SNTB2: variants seen among roughly 807,000 people sequenced by gnomAD.
SNTB2 encodes syntrophin beta 2.
A neutral mutation model predicts 46.2 loss-of-function variants in SNTB2; 34 were observed. That is an observed-to-expected ratio of 0.74 (90% CI 0.56 to 0.98). SNTB2 has a LOEUF of 0.98. Ranked by LOEUF, SNTB2 falls within the 50% of genes least tolerant of loss-of-function variation. The probability of loss-of-function intolerance (pLI) is 0.00; values close to 1 mark genes in which losing one functional copy is unlikely to be tolerated. For missense variants in SNTB2, 603 were observed against 731.4 expected (o/e 0.82, Z 2.02); for synonymous variants, 290 against 312.6 (o/e 0.93, Z 0.76).
In SNTB2 at chr16:69,232,502, CTTTTTTTTTT is replaced by C. The variant is rs1032986410; in HGVS notation, c.581-13082_581-13073del. On this transcript the variant is annotated intron_variant, in intron 1 of 6. Transcript: ENST00000336278. ...TTACAGGTGTGAGCCACGGTGCGGC[CTTTTTTTTTT>C]TTTTTTTTTTTTTTTTTGGAGACGG... Among the ~76,000 whole-genome samples the C allele has an allele frequency of 1.5e-3, 93 of 63,884 alleles. 1 individual carries two copies. The highest frequency in any genetic ancestry group is 1.7e-3 in the Non-Finnish European group (58 of 33,452). The allele number at this position is 63,884 out of a possible 152,430, so 41.9% of individuals were successfully genotyped here.
Position 69,292,844 on chromosome 16 carries a change from T to G in SNTB2, c.1346-6746T>G, listed in dbSNP as rs557850448. On this transcript the variant is annotated intron_variant, in intron 5 of 6. Transcript: ENST00000336278. ...CTTTATTAAATTACTATCGGGGAGC[T>G]TCTTAGAACGCCATCTCTAATGTAT... is the stretch of plus-strand genomic sequence containing the variant. Among the ~76,000 whole-genome samples the G allele has an allele frequency of 2.0e-3, 310 of 152,098 alleles. 1 individual carries two copies. Among genetic ancestry groups the G allele is most frequent in the Non-Finnish European group, 3.6e-3 (244 of 67,992 alleles).
rs1963996122 is a variant in SNTB2, at chr16:69,187,193, G to T, written c.27G>T (p.Ala9=). 7.2e-7 allele frequency: 1 copy of T among 1,383,184 alleles called. No individual in the cohort carries two copies. The highest frequency in any genetic ancestry group is 9.4e-7 in the Non-Finnish European group (1 of 1,066,494). The allele number at this position is 1,383,184 out of a possible 1,614,324, so 85.7% of individuals were successfully genotyped here. ...TGAGGGTAGCTGCGGCGACTGCGGC[G>T]GCTGGAGCGGGGCCGGCCATGGCGG... MRVAAATA[A]AGAGPAMAVW... Residue 9 remains alanine (A), a synonymous_variant, in exon 1 of 7, where the codon GCG becomes GCT. Coordinates refer to ENST00000336278, the MANE Select transcript of SNTB2 (RefSeq NM_006750.4).
At chr16:69,213,241 T>C (rs1349973104) in intron 1 of SNTB2, among the ~76,000 whole-genome samples, 2 of 152,202 alleles carry the variant, frequency 1.3e-5, no homozygotes, top group Non-Finnish European at 2.9e-5. Context: ...TTTTGGCACA[T>C]ATTGCATGTT....
In SNTB2 at chr16:69,292,407, T is replaced by TGATATATATATCA. The variant is rs1491560084; in HGVS notation, c.1346-7183_1346-7182insGATATATATATCA. Among the ~76,000 whole-genome samples, 3 of 12,474 alleles carry TGATATATATATCA rather than the reference T, an allele frequency of 2.4e-4. 1 individual carries two copies. The highest frequency in any genetic ancestry group is 4.2e-4 in the Non-Finnish European group (3 of 7,094). The allele number at this position is 12,474 out of a possible 152,430, so 8.2% of individuals were successfully genotyped here. On this transcript the variant is annotated intron_variant, in intron 5 of 6. Transcript: ENST00000336278. ...TATATATATTATATATATATATATATTATATATATATTATATATATATATA... is the reference window on the plus strand; with the variant it reads ...TATATATATTATATATATATATATATGATATATATATCATATATATATATTATATATATATATA...
At position 69,270,297 on chromosome 16, in the gene SNTB2, T is replaced by C. The variant is rs1964925324; in HGVS notation, c.1148+12T>C. On this transcript the variant is annotated intron_variant, in intron 4 of 6. Coordinates refer to ENST00000336278, the MANE Select transcript of SNTB2 (RefSeq NM_006750.4). ...CTTGTTGCCACCAGGTAAGTAAGAC[T>C]AAAGATAAGGAAGTAAAATATTTAT... 1 of 1,613,794 alleles carries C rather than the reference T, an allele frequency of 6.2e-7. No homozygotes were observed.
intron 1 of SNTB2, among the ~76,000 whole-genome samples, chr16:69,222,581 A>G (rs1460312670): frequency 6.6e-6 from 1 of 150,500 alleles, no homozygotes; most frequent in African/African-American, 2.4e-5. Context: ...CCACAGAGTG[A>G]GACTTCATCT....
intron 4 of SNTB2, among the ~76,000 whole-genome samples, chr16:69,280,594 C>A (rs1300570561): frequency 7.0e-6 from 1 of 142,620 alleles, no homozygotes; most frequent in African/African-American, 2.9e-5. Context: ...GGGGGCTGAA[C>A]CCCCCACCTC....
intron 1 of SNTB2, among the ~76,000 whole-genome samples, chr16:69,227,126 A>G (rs1209091761): frequency 6.6e-6 from 1 of 152,214 alleles, no homozygotes; most frequent in Admixed American, 6.6e-5. Context: ...GCAATTAGCA[A>G]CAACATTTAA....
Position 69,304,946 on chromosome 16 carries a change from A to C in SNTB2, c.*4022A>C, listed in dbSNP as rs1390684623. The C allele has an allele frequency of 2.7e-5, 4 of 150,722 alleles. No homozygotes were observed. 9.3% of individuals were successfully genotyped at this position (150,722 alleles called of 1,614,324 possible). ...GCCTCCCAAAGTGCTGGGATTACAG[A>C]TGTGAGCCACTGCACCTGGCCCCAG... is the stretch of plus-strand genomic sequence containing the variant. On this transcript the variant is annotated 3_prime_UTR_variant, in exon 7 of 7. Coordinates refer to ENST00000336278, the MANE Select transcript of SNTB2 (RefSeq NM_006750.4).
intron 1 of SNTB2, among the ~76,000 whole-genome samples, chr16:69,216,570 A>C (rs1455868923): frequency 6.6e-6 from 1 of 151,762 alleles, no homozygotes; most frequent in Non-Finnish European, 1.5e-5. Context: ...CTATAGTTTC[A>C]GCTACTCAGG....
intron 2 of SNTB2, among the ~76,000 whole-genome samples, chr16:69,257,822 TA>T (rs1240003738): frequency 6.6e-6 from 1 of 152,238 alleles, no homozygotes; most frequent in Non-Finnish European, 1.5e-5. Context: ...TGACAGCATA[TA>T]AAAGATGGAT....
intron 1 of SNTB2, among the ~76,000 whole-genome samples, chr16:69,211,184 G>A (rs1964282525): frequency 6.6e-6 from 1 of 151,718 alleles, no homozygotes; most frequent in South Asian, 2.1e-4. Context: ...TTGTTTGAAA[G>A]CAATGAAAAA....
rs139742915 is a variant in SNTB2 at position 69,236,652 on chromosome 16, T to C, written c.581-8950T>C. 5.9e-5 allele frequency among the ~76,000 whole-genome samples: 9 copies of C among 151,394 alleles called. No homozygotes were observed. In the East Asian group the frequency reaches 1.6e-3, roughly 26 times the overall value. ...AATATGGTTAAAATAGTAAACTTTATGTTGTGTATATTTTACAATTACAAA... is the reference window on the plus strand; with the variant it reads ...AATATGGTTAAAATAGTAAACTTTACGTTGTGTATATTTTACAATTACAAA... On this transcript the variant is annotated intron_variant, in intron 1 of 6. Transcript: ENST00000336278.
At chr16:69,238,829 A>G (rs548042794) in intron 1 of SNTB2, among the ~76,000 whole-genome samples, 9 of 151,964 alleles carry the variant, frequency 5.9e-5, no homozygotes, top group Non-Finnish European at 1.2e-4. Context: ...ATCCCTGTTA[A>G]CCTGCCAGCT....
intron 1 of SNTB2, among the ~76,000 whole-genome samples, chr16:69,189,856 T>C (rs1964034082): frequency 6.6e-6 from 1 of 152,238 alleles, no homozygotes; most frequent in Admixed American, 6.5e-5. Context: ...TTTATTGGGC[T>C]AAAATAGGCC....
At chr16:69,221,653 G>C (rs1183894329) in intron 1 of SNTB2, among the ~76,000 whole-genome samples, 3 of 152,150 alleles carry the variant, frequency 2.0e-5, no homozygotes, top group African/African-American at 4.8e-5. Flanking sequence ...GCGCACGCCT[G>C]TAATCCCAGC....
rs1171426756 is a variant in SNTB2, at chr16:69,187,568, C to T, written c.402C>T (p.Arg134=). 1 of 1,515,570 alleles carries T rather than the reference C, an allele frequency of 6.6e-7. No individual in the cohort carries two copies. Among genetic ancestry groups the T allele is most frequent in the Non-Finnish European group, 8.8e-7 (1 of 1,134,356 alleles). The allele number at this position is 1,515,570 out of a possible 1,614,324, so 93.9% of individuals were successfully genotyped here. A position where few individuals can be genotyped will look rare whatever the true frequency, so the allele number is the denominator to read the frequency against. ...GGLGISIKGG[R]ENRMPILISK... ...TGGGCATCAGCATCAAGGGCGGCCG[C>T]GAGAACCGGATGCCGATCCTCATCT... The change falls in exon 1 of 7, where the codon CGC becomes CGT. Residue 134 remains arginine (R), a synonymous_variant. Coordinates refer to ENST00000336278, the MANE Select transcript of SNTB2 (RefSeq NM_006750.4).
chr16:69,228,393 C>T (rs1334728211), intron 1 of SNTB2, among the ~76,000 whole-genome samples: 1 of 150,396 alleles, frequency 6.6e-6, no homozygotes, highest in Non-Finnish European at 1.5e-5. Flanking sequence ...GTAATCCCAG[C>T]TACTTGGGAG....
chr16:69,276,602 TG>T lies in SNTB2; in HGVS notation c.1148+6319del, dbSNP rs1218721754. On this transcript the variant is annotated intron_variant, in intron 4 of 6. Transcript: ENST00000336278. ...CTTTCTGAGGTAGCTAATGTTTAAT[TG>T]GCATGTTGGTTTTTTGGGAATCAGC... 3.3e-5 allele frequency among the ~76,000 whole-genome samples: 5 copies of T among 152,378 alleles called. No individual in the cohort carries two copies. The East Asian group carries it at 9.6e-4, about 29-fold the overall frequency.
Sources: allele counts gnomAD v4.1 joint callset (sites outside exome capture counted in the v4.1 genomes callset), GRCh38; gene constraint gnomAD v4.1.1; transcripts MANE v1.5; gene names NCBI Gene and HGNC (gene_info 2026-07-23, HGNC 2026-07-21).